SHANK2: variants seen among roughly 807,000 people sequenced by gnomAD.
SHANK2 encodes SH3 and multiple ankyrin repeat domains 2, also known as SH3 and multiple ankyrin repeat domains protein 2.
SHANK2 carries 43 observed loss-of-function variants against 133.7 expected under a neutral mutation model. That is an observed-to-expected ratio of 0.32 (90% CI 0.25 to 0.41). The LOEUF is 0.41. SHANK2 is among the 10% of genes least tolerant of loss of function. The probability of loss-of-function intolerance (pLI) is 1.00; values close to 1 mark genes in which losing one functional copy is unlikely to be tolerated. For synonymous variants in SHANK2, 1,017 were observed against 952.8 expected, an observed-to-expected ratio of 1.07 and a Z score of -1.24; for missense variants, 1,994 against 2,235.8, an observed-to-expected ratio of 0.89 and a Z score of 2.18.
chr11:70,822,944 ACTGGCAGAGGTCACGGGGGACAGAGG>A (rs1948560284), intron 11 of SHANK2, among the ~76,000 whole-genome samples: 1 of 6,050 alleles, frequency 1.7e-4, no homozygotes. Flanking sequence ...CAGAGGTGGC[ACTGGCAGAGGTCACGGGGGACAGAGG>A]TGGCGCTGGC....
intron 14 of SHANK2, among the ~76,000 whole-genome samples, chr11:70,751,026 G>A (rs1341542510): frequency 4.0e-5 from 6 of 151,648 alleles, no homozygotes; most frequent in African/African-American, 1.5e-4. Flanking sequence ...AACTCTCAAC[G>A]GAAACAATAC....
intron 2 of SHANK2, among the ~76,000 whole-genome samples, chr11:71,166,705 ACTC>A (rs1173196132): frequency 6.8e-6 from 1 of 147,066 alleles, no homozygotes; most frequent in Non-Finnish European, 1.5e-5. Context: ...CTGGTTATGA[ACTC>A]CTGACCTCAA....
At chr11:70,761,137 C>T (rs1017149335) in intron 14 of SHANK2, among the ~76,000 whole-genome samples, 2 of 152,116 alleles carry the variant, frequency 1.3e-5, no homozygotes, top group Non-Finnish European at 2.9e-5. Context: ...GTGTCTCCTC[C>T]CCACAAATTC....
chr11:71,156,032 G>T (rs1952901586), intron 2 of SHANK2, among the ~76,000 whole-genome samples: 1 of 152,204 alleles, frequency 6.6e-6, no homozygotes, highest in Non-Finnish European at 1.5e-5. Flanking sequence ...GGGGGTGCAT[G>T]CGCACAGAGG....
At chr11:71,109,346 C>T (rs921344081) in intron 6 of SHANK2, among the ~76,000 whole-genome samples, 6 of 152,172 alleles carry the variant, frequency 3.9e-5, no homozygotes, top group East Asian at 3.9e-4. Context: ...GTTGTCACAA[C>T]TAGGGGTTGC....
In SHANK2 at chr11:71,190,845, C is replaced by T. The variant is rs188234484; in HGVS notation, c.-13+33852G>A. ...TCACTTTCCCCATCTGGAAGGTGGA[C>T]GTCCAGCCCCTGCGGTGCTGGAGAA... On this transcript the variant is annotated intron_variant, in intron 2 of 25. Coordinates refer to ENST00000601538, the MANE Select transcript of SHANK2 (RefSeq NM_012309.5). 7.1e-4 allele frequency among the ~76,000 whole-genome samples: 108 copies of T among 152,268 alleles called. 1 individual carries two copies. Among genetic ancestry groups the T allele is most frequent in the Middle Eastern group, 6.8e-3 (2 of 294 alleles).
At chr11:71,245,855 C>A (rs782485566) in intron 1 of SHANK2, among the ~76,000 whole-genome samples, 10 of 152,206 alleles carry the variant, frequency 6.6e-5, no homozygotes, top group Non-Finnish European at 1.3e-4. Context: ...TCCTGGGGGA[C>A]CTGTCCACCT....
chr11:70,618,036 G>T (rs1397404273), intron 17 of SHANK2, among the ~76,000 whole-genome samples: 2 of 152,102 alleles, frequency 1.3e-5, no homozygotes, highest in Admixed American at 1.3e-4. Flanking sequence ...AGTGGCTCAC[G>T]CTTGGAATCT....
chr11:70,581,857 C>A (rs1172049147), intron 17 of SHANK2, among the ~76,000 whole-genome samples: 1 of 152,222 alleles, frequency 6.6e-6, no homozygotes, highest in Non-Finnish European at 1.5e-5. Flanking sequence ...AGCGGTATGG[C>A]CCCTGGGAAG....
intron 8 of SHANK2, among the ~76,000 whole-genome samples, chr11:71,091,350 A>G (rs1471469701): frequency 6.6e-6 from 1 of 152,196 alleles, no homozygotes; most frequent in East Asian, 1.9e-4. Context: ...AAGCCCAGGG[A>G]GGGCGGGGCC....
intron 11 of SHANK2, among the ~76,000 whole-genome samples, chr11:70,872,609 C>T (rs982140901): frequency 1.3e-5 from 2 of 151,972 alleles, no homozygotes; most frequent in Non-Finnish European, 2.9e-5. Flanking sequence ...GGGCCCCCCA[C>T]AGACCAGAGT....
At chr11:70,842,660 C>A (rs1032142799) in intron 11 of SHANK2, among the ~76,000 whole-genome samples, 5 of 152,160 alleles carry the variant, frequency 3.3e-5, no homozygotes, top group Non-Finnish European at 7.4e-5. Flanking sequence ...GGGTCCTGCT[C>A]CCTGCTGTGC....
chr11:71,163,714 G>A (rs1247406303), intron 2 of SHANK2, among the ~76,000 whole-genome samples: 1 of 152,186 alleles, frequency 6.6e-6, no homozygotes, highest in Non-Finnish European at 1.5e-5. Context: ...GTGCAAAAAG[G>A]AGCTCAGTGG....
intron 17 of SHANK2, among the ~76,000 whole-genome samples, chr11:70,536,868 A>G (rs2059550103): frequency 1.3e-5 from 2 of 152,316 alleles, no homozygotes; most frequent in East Asian, 1.9e-4. Flanking sequence ...GCTGTGGTAC[A>G]TGGCTGGTCT....
At chr11:70,583,363 G>A (rs1169116823) in intron 17 of SHANK2, among the ~76,000 whole-genome samples, 2 of 152,152 alleles carry the variant, frequency 1.3e-5, no homozygotes, top group African/African-American at 4.8e-5. Context: ...TCCAGCCGCA[G>A]AACAGGGGCC....
chr11:71,080,354 A>G (rs1263574069), intron 8 of SHANK2, among the ~76,000 whole-genome samples: 2 of 152,100 alleles, frequency 1.3e-5, no homozygotes, highest in Non-Finnish European at 2.9e-5. Context: ...TGCAACCACA[A>G]GACTTGGTGT....
At chr11:71,056,977 G>A (rs1210414287) in intron 9 of SHANK2, among the ~76,000 whole-genome samples, 5 of 152,010 alleles carry the variant, frequency 3.3e-5, no homozygotes, top group African/African-American at 4.8e-5. Context: ...ACAAAACAAG[G>A]CAGATGACTA....
chr11:71,098,923 G>T (rs77094343), intron 6 of SHANK2, among the ~76,000 whole-genome samples: 1 of 152,098 alleles, frequency 6.6e-6, no homozygotes, highest in Non-Finnish European at 1.5e-5. Flanking sequence ...CCATCTCTCC[G>T]TGGGGAAACC....
intron 17 of SHANK2, among the ~76,000 whole-genome samples, chr11:70,599,961 A>G (rs1474198338): frequency 7.6e-5 from 10 of 131,666 alleles, no homozygotes; most frequent in African/African-American, 3.3e-4. Flanking sequence ...GAAAGAAAGA[A>G]AGAAAGAAAG....
Sources: allele counts gnomAD v4.1 joint callset (sites outside exome capture counted in the v4.1 genomes callset), GRCh38; gene constraint gnomAD v4.1.1; transcripts MANE v1.5; gene names NCBI Gene and HGNC (gene_info 2026-07-23, HGNC 2026-07-21).